Variants in RALGPS1 observed in about 807,000 individuals in gnomAD.
RALGPS1 encodes the protein Ral GEF with PH domain and SH3 binding motif 1, also known as ras-specific guanine nucleotide-releasing factor RalGPS1.
A neutral mutation model predicts 78.8 loss-of-function variants in RALGPS1; 19 were observed. That is an observed-to-expected ratio of 0.24 (90% CI 0.17 to 0.35). The LOEUF is 0.35. RALGPS1 is among the 10% of genes least tolerant of loss of function. The pLI is 1.00. For missense variants in RALGPS1, 454 were observed against 688.3 expected, an observed-to-expected ratio of 0.66 and a Z score of 3.81; for synonymous variants, 228 against 256.3, an observed-to-expected ratio of 0.89 and a Z score of 1.06.
At chr9:127,077,918 T>G (rs1241494845) in intron 8 of RALGPS1, among the ~76,000 whole-genome samples, 1 of 152,216 alleles carries the variant, frequency 6.6e-6, no homozygotes, top group Non-Finnish European at 1.5e-5. Context: ...AAAGCAAAGC[T>G]TAAGGCTGGA....
chr9:127,151,571 A>G (rs1201950723), intron 8 of RALGPS1, among the ~76,000 whole-genome samples: 3 of 152,188 alleles, frequency 2.0e-5, no homozygotes, highest in African/African-American at 7.2e-5. Flanking sequence ...GGGGAAAGGG[A>G]AATAAAGAGG....
intron 4 of RALGPS1, chr9:126,990,094 C>A: frequency 7.1e-7 from 1 of 1,401,250 alleles, no homozygotes; most frequent in Non-Finnish European, 9.7e-7. Flanking sequence ...TCGGACAAAC[C>A]CTGTGTGTCT....
At chr9:127,053,431 G>T (rs2048461582) in intron 7 of RALGPS1, among the ~76,000 whole-genome samples, 1 of 152,194 alleles carries the variant, frequency 6.6e-6, no homozygotes, top group South Asian at 2.1e-4. Context: ...GAGTCTGATA[G>T]TTACATAATT....
intron 5 of RALGPS1, among the ~76,000 whole-genome samples, chr9:127,039,028 G>A (rs538738861): frequency 6.6e-6 from 1 of 152,304 alleles, no homozygotes; most frequent in African/African-American, 2.4e-5. Flanking sequence ...TGGACATGTG[G>A]GATGAAGTAT....
intron 11 of RALGPS1, among the ~76,000 whole-genome samples, chr9:127,182,402 C>G (rs1340148128): frequency 1.5e-5 from 2 of 133,558 alleles, no homozygotes; most frequent in Non-Finnish European, 3.3e-5. Context: ...CCCTCCCTTC[C>G]TTCCTCCCTT....
At chr9:127,209,012 C>T (rs1371966783) in intron 14 of RALGPS1, among the ~76,000 whole-genome samples, 1 of 152,172 alleles carries the variant, frequency 6.6e-6, no homozygotes, top group Non-Finnish European at 1.5e-5. Flanking sequence ...GAGGGCCCTG[C>T]TCTGGGAAGG....
Position 127,179,978 on chromosome 9 carries a change from A to G in RALGPS1, c.910+5196A>G, listed in dbSNP as rs115200746. Among the ~76,000 whole-genome samples, 844 of 152,290 alleles carry G rather than the reference A, an allele frequency of 5.5e-3. 5 individuals carry two copies. Among genetic ancestry groups the G allele is most frequent in the African/African-American group, 0.019 (793 of 41,560 alleles). ...GCTGGCCCCCACTTTCCACCCCTGC[A>G]GAATGACTTCACAGGCAGTTCCACA... On this transcript the variant is annotated intron_variant, in intron 11 of 18. Coordinates refer to ENST00000259351, the MANE Select transcript of RALGPS1 (RefSeq NM_014636.3).
At chr9:127,168,648 A>G (rs2059411827) in intron 9 of RALGPS1, 31 bp from the exon 10 acceptor site, 5 of 1,510,436 alleles carry the variant, frequency 3.3e-6, no homozygotes, top group Middle Eastern at 1.7e-4. Flanking sequence ...GGGAGAGCCT[A>G]AAGTTTCTGG....
Position 127,014,440 on chromosome 9 carries a change from C to T in RALGPS1, c.217-19991C>T, listed in dbSNP as rs181084727. Among the ~76,000 whole-genome samples, 758 of 152,268 alleles carry T rather than the reference C, an allele frequency of 5.0e-3. 4 individuals are homozygous for T. The highest frequency in any genetic ancestry group is 0.017 in the African/African-American group (690 of 41,534). On this transcript the variant is annotated intron_variant, in intron 4 of 18. Transcript: ENST00000259351. ...AAGATGTTCCACTGCGTAGCCATTG[C>T]TGGAATTTATCAAATTCTGGCATTG...
At chr9:127,089,097 C>T (rs776774899) in intron 8 of RALGPS1, 16 of 1,614,068 alleles carry the variant, frequency 9.9e-6, no homozygotes, top group South Asian at 2.2e-5. Context: ...TGGGCACAGG[C>T]GTTATACCAC....
chr9:127,146,782 G>C (rs1487184998), intron 8 of RALGPS1, among the ~76,000 whole-genome samples: 1 of 152,132 alleles, frequency 6.6e-6, no homozygotes, highest in Admixed American at 6.5e-5. Flanking sequence ...GATCTCAAGT[G>C]ATCCTCCTGC....
rs1392225698 is a variant in RALGPS1, at chr9:126,952,654, A to AGTGTGTGT, written c.-65-9570_-65-9569insTGTGTGTG. 1.7e-3 allele frequency among the ~76,000 whole-genome samples: 228 copies of AGTGTGTGT among 138,070 alleles called. 1 individual carries two copies. Among genetic ancestry groups the AGTGTGTGT allele is most frequent in the East Asian group, 0.012 (56 of 4,568 alleles). 90.6% of individuals were successfully genotyped at this position (138,070 alleles called of 152,430 possible). ...GAGAGAGAGAGAGAGAGAGAGAGAG[A>AGTGTGTGT]GAGTGTGTGTGTGTGTGTGTGTGTG... is the stretch of plus-strand genomic sequence containing the variant. On this transcript the variant is annotated intron_variant, in intron 1 of 18. Transcript: ENST00000259351.
intron 4 of RALGPS1, among the ~76,000 whole-genome samples, chr9:127,018,836 T>G (rs2134102944): frequency 6.6e-6 from 1 of 152,242 alleles, no homozygotes; most frequent in South Asian, 2.1e-4. Flanking sequence ...AGTACTGAGT[T>G]GTGCTATAAC....
chr9:127,031,234 T>G (rs2046408700), intron 4 of RALGPS1, among the ~76,000 whole-genome samples: 1 of 152,278 alleles, frequency 6.6e-6, no homozygotes, highest in Non-Finnish European at 1.5e-5. Context: ...GGACCTTTTT[T>G]AGGCATTAGT....
Position 127,122,315 on chromosome 9 carries a change from C to G in RALGPS1, c.611-43754C>G, listed in dbSNP as rs567193759. On this transcript the variant is annotated intron_variant, in intron 8 of 18. Coordinates refer to ENST00000259351, the MANE Select transcript of RALGPS1 (RefSeq NM_014636.3). This position sits in a 1 kb window ranked among gnomAD's most constrained non-coding sequence, Gnocchi z 6.4. ...CATGGCCGCAGAGCTGGCCCCTTAC[C>G]TCTTCCCTCCTGCTTGGCTCCGGGG... is the stretch of plus-strand genomic sequence containing the variant. 6.6e-6 allele frequency: 1 copy of G among 152,492 alleles called. No individual in the cohort carries two copies. Among genetic ancestry groups the G allele is most frequent in the Non-Finnish European group, 1.5e-5 (1 of 68,280 alleles). The allele number at this position is 152,492 out of a possible 1,614,324, so 9.4% of individuals were successfully genotyped here.
rs1445696310 is a variant in RALGPS1 at position 127,214,838 on chromosome 9, C to T, written c.1640C>T (p.Pro547Leu). 1.9e-6 allele frequency: 3 copies of T among 1,613,306 alleles called. No homozygotes were observed. The highest frequency in any genetic ancestry group is 1.7e-6 in the Non-Finnish European group (2 of 1,179,694). Reference protein sequence around the residue: ...HLDDACKSNRPQVPANLMSFE With the variant: ...HLDDACKSNRLQVPANLMSFE The stretch of plus-strand genomic sequence containing the variant: ...GATGATGCATGTAAAAGCAACAGGC[C>T]TCAGGTAAAGTCATCAAAATCCTGC... The change falls in exon 18 of 19, where the codon CCT becomes CTT. Residue 547 changes from proline (P) to leucine (L), a missense_variant. Coordinates refer to ENST00000259351, the MANE Select transcript of RALGPS1 (RefSeq NM_014636.3).
In RALGPS1 at chr9:126,992,813, C is replaced by G. The variant is rs559199507; in HGVS notation, c.216+15068C>G. ...GTTTTCTACACAGATAATGATGCCT[C>G]TGTGAATAATGACAGTCTTGTTTCT... On this transcript the variant is annotated intron_variant, in intron 4 of 18. Transcript: ENST00000259351. Among the ~76,000 whole-genome samples the G allele has an allele frequency of 2.6e-5, 4 of 152,330 alleles. No homozygotes were observed. In the South Asian group the frequency reaches 8.3e-4, roughly 32 times the overall value.
At chr9:126,946,362 C>T (rs1017650243) in intron 1 of RALGPS1, among the ~76,000 whole-genome samples, 9 of 151,988 alleles carry the variant, frequency 5.9e-5, no homozygotes, top group Non-Finnish European at 1.2e-4. Flanking sequence ...GGCGAAACCC[C>T]GTCTCTACTA....
chr9:127,191,664 C>G (rs907251217), intron 11 of RALGPS1, among the ~76,000 whole-genome samples: 3 of 150,922 alleles, frequency 2.0e-5, no homozygotes, highest in African/African-American at 7.3e-5. Context: ...TCTTTTCCAT[C>G]AGGTTTTTTT....
Sources: gnomAD v4.1 joint callset for allele counts (sites outside exome capture counted in the v4.1 genomes callset) on GRCh38, gnomAD v4.1.1 for gene constraint, Gnocchi (gnomAD v3.1) non-coding constraint, MANE v1.5 for transcripts, NCBI Gene and HGNC (gene_info 2026-07-23, HGNC 2026-07-21) for gene names.